ITPR2: variants seen among roughly 807,000 people sequenced by gnomAD.
ITPR2 encodes inositol 1,4,5-trisphosphate-gated calcium channel ITPR2.
ITPR2 carries 207 observed loss-of-function variants against 317.1 expected under a neutral mutation model. That is an observed-to-expected ratio of 0.65 (90% CI 0.58 to 0.73). The LOEUF is 0.73. Among genes scored for constraint, ITPR2 ranks in the 30% least tolerant of loss-of-function variants. The pLI is 0.00. For synonymous variants in ITPR2, 1,156 were observed against 1,149.1 expected, an observed-to-expected ratio of 1.01 and a Z score of -0.12; for missense variants, 2,613 against 3,284.0, an observed-to-expected ratio of 0.80 and a Z score of 4.99.
At chr12:26,830,433 T>C (rs1349432434) in intron 1 of ITPR2, among the ~76,000 whole-genome samples, 1 of 152,262 alleles carries the variant, frequency 6.6e-6, no homozygotes, top group Non-Finnish European at 1.5e-5. Flanking sequence ...CTTATTTTTC[T>C]CAAGGTTTAA....
intron 55 of ITPR2, among the ~76,000 whole-genome samples, chr12:26,377,804 G>A (rs568594350): frequency 2.6e-5 from 4 of 152,276 alleles, no homozygotes; most frequent in East Asian, 3.9e-4. Context: ...AAGATAACAC[G>A]CAAAGTTGCT....
chr12:26,380,780 C>T (rs1213111295), intron 55 of ITPR2, among the ~76,000 whole-genome samples: 2 of 152,188 alleles, frequency 1.3e-5, no homozygotes, highest in East Asian at 1.9e-4. Flanking sequence ...TGAGCCCAAA[C>T]ATCTCCCCTC....
chr12:26,782,071 G>GCGAGCA lies in ITPR2; in HGVS notation c.163+8085_163+8086insTGCTCG, dbSNP rs1156946057. Among the ~76,000 whole-genome samples the GCGAGCA allele has an allele frequency of 4.7e-3, 500 of 105,658 alleles. 12 individuals carry two copies. Among genetic ancestry groups the GCGAGCA allele is most frequent in the African/African-American group, 0.015 (468 of 30,846 alleles). The allele number at this position is 105,658 out of a possible 152,430, so 69.3% of individuals were successfully genotyped here. A position where few individuals can be genotyped will look rare whatever the true frequency, so the allele number is the denominator to read the frequency against. On this transcript the variant is annotated intron_variant, in intron 2 of 56. Coordinates refer to ENST00000381340, the MANE Select transcript of ITPR2 (RefSeq NM_002223.4). ...AGAGAGAGAGAGAGAGAGAGAGAGA[G>GCGAGCA]AGCGAGAGAGATCCTATTAGTTCTT...
chr12:26,395,622 C>G (rs1565503225), intron 54 of ITPR2, among the ~76,000 whole-genome samples: 1 of 152,104 alleles, frequency 6.6e-6, no homozygotes, highest in Non-Finnish European at 1.5e-5. Context: ...AGAAGCAGTG[C>G]AAAAGAAAGA....
chr12:26,774,166 T>C (rs1262593768), intron 2 of ITPR2, among the ~76,000 whole-genome samples: 1 of 151,996 alleles, frequency 6.6e-6, no homozygotes, highest in Non-Finnish European at 1.5e-5. Flanking sequence ...TTAGAATCCA[T>C]ACTGACACCT....
intron 8 of ITPR2, among the ~76,000 whole-genome samples, chr12:26,714,600 AAT>A (rs1948705103): frequency 6.6e-6 from 1 of 152,158 alleles, no homozygotes; most frequent in African/African-American, 2.4e-5. Context: ...AGTGTCACAA[AAT>A]ATATGTTTTA....
chr12:26,521,186 T>C (rs1207574143), intron 37 of ITPR2, among the ~76,000 whole-genome samples: 4 of 152,208 alleles, frequency 2.6e-5, no homozygotes, highest in Non-Finnish European at 5.9e-5. Flanking sequence ...TCAATAGTTA[T>C]ACAAAACTGA....
intron 13 of ITPR2, among the ~76,000 whole-genome samples, chr12:26,667,985 C>A (rs1206462908): frequency 2.6e-5 from 4 of 152,192 alleles, no homozygotes; most frequent in African/African-American, 9.6e-5. Flanking sequence ...GGAAAAGCAA[C>A]CTTCTCTTTT....
rs558329274 is a variant in ITPR2 at position 26,556,564 on chromosome 12, T to TGTGTG, written c.4822-190_4822-189insCACAC. Among the ~76,000 whole-genome samples, 593 of 111,666 alleles carry TGTGTG rather than the reference T, an allele frequency of 5.3e-3. 11 individuals carry two copies. Among genetic ancestry groups the TGTGTG allele is most frequent in the South Asian group, 0.037 (121 of 3,282 alleles). The allele number at this position is 111,666 out of a possible 152,430, so 73.3% of individuals were successfully genotyped here. A position where few individuals can be genotyped will look rare whatever the true frequency, so the allele number is the denominator to read the frequency against. ...ATATTGCCTGGGTCTCTATTTTTTT[T>TGTGTG]TTTGTGTGTGTGTGTGTGTGTGTGT... On this transcript the variant is annotated intron_variant, in intron 35 of 56. Coordinates refer to ENST00000381340, the MANE Select transcript of ITPR2 (RefSeq NM_002223.4).
chr12:26,656,901 G>A (rs1011282798), intron 18 of ITPR2, among the ~76,000 whole-genome samples: 2 of 152,172 alleles, frequency 1.3e-5, no homozygotes, highest in African/African-American at 4.8e-5. Flanking sequence ...ACCTTCGCCA[G>A]CCTCACTCAG....
At chr12:26,650,067 T>C (rs1312392212) in intron 21 of ITPR2, among the ~76,000 whole-genome samples, 1 of 145,616 alleles carries the variant, frequency 6.9e-6, no homozygotes, top group African/African-American at 2.5e-5. Flanking sequence ...TAAATTATTA[T>C]CAGATTGCTG....
chr12:26,417,563 T>C (rs1667628570), intron 50 of ITPR2, among the ~76,000 whole-genome samples: 1 of 152,142 alleles, frequency 6.6e-6, no homozygotes, highest in Non-Finnish European at 1.5e-5. Context: ...TGCTCTCCTC[T>C]CTCTCTTCTG....
chr12:26,757,454 G>A (rs1949546180), intron 2 of ITPR2, among the ~76,000 whole-genome samples: 1 of 152,134 alleles, frequency 6.6e-6, no homozygotes, highest in Non-Finnish European at 1.5e-5. Flanking sequence ...GACCTCAGGG[G>A]ATCCGCCCTC....
chr12:26,655,955 G>T, intron 19 of ITPR2, 103 bp from the exon 20 acceptor site: 1 of 1,167,414 alleles, frequency 8.6e-7, no homozygotes, highest in Non-Finnish European at 1.2e-6. Context: ...GGATAAATTA[G>T]TTAGCTTTCC....
intron 1 of ITPR2, among the ~76,000 whole-genome samples, chr12:26,802,492 T>C (rs1489591994): frequency 6.6e-6 from 1 of 151,480 alleles, no homozygotes; most frequent in Non-Finnish European, 1.5e-5. Flanking sequence ...TTTAAATTAA[T>C]ATACATATCC....
chr12:26,741,688 C>CAT (rs1565731447), intron 2 of ITPR2, among the ~76,000 whole-genome samples: 1 of 151,832 alleles, frequency 6.6e-6, no homozygotes, highest in Non-Finnish European at 1.5e-5. Context: ...TCTGTGTGTG[C>CAT]GTGTGTGTGT....
chr12:26,693,864 G>A (rs1230600991), intron 10 of ITPR2, among the ~76,000 whole-genome samples: 2 of 152,194 alleles, frequency 1.3e-5, no homozygotes, highest in Admixed American at 1.3e-4. Flanking sequence ...AATTCAAAGA[G>A]TTTCCATCTG....
chr12:26,590,069 A>C (rs1183762734), intron 32 of ITPR2, among the ~76,000 whole-genome samples: 1 of 151,800 alleles, frequency 6.6e-6, no homozygotes, highest in African/African-American at 2.4e-5. Context: ...AAAGACATGG[A>C]GAAAATGATG....
At chr12:26,408,572 C>T (rs1000744746) in intron 52 of ITPR2, among the ~76,000 whole-genome samples, 5 of 152,120 alleles carry the variant, frequency 3.3e-5, no homozygotes, top group Admixed American at 2.6e-4. Context: ...AGGAGAGTGG[C>T]CCTGGCAGTT....
Sources: allele counts gnomAD v4.1 joint callset (sites outside exome capture counted in the v4.1 genomes callset), GRCh38; gene constraint gnomAD v4.1.1; transcripts MANE v1.5; gene names NCBI Gene and HGNC (gene_info 2026-07-23, HGNC 2026-07-21).